RAB44: variants seen among roughly 807,000 people sequenced by gnomAD.
The protein encoded by RAB44 is ras-related protein Rab-44.
Under a neutral mutation model 93.3 loss-of-function variants are expected in RAB44, and 67 were observed. That is an observed-to-expected ratio of 0.72 (90% confidence interval 0.59 to 0.88). The LOEUF (loss-of-function observed/expected upper bound fraction) is 0.88, where lower values mean the gene tolerates loss of function less well. Ranked by LOEUF, RAB44 falls within the 40% of genes least tolerant of loss-of-function variation. The pLI is 0.00. For missense variants in RAB44, 1,064 were observed against 1,261.7 expected (o/e 0.84, Z 2.37); for synonymous variants, 427 against 520.3 (o/e 0.82, Z 2.44).
At position 36,722,718 on chromosome 6, in the gene RAB44, T is replaced by C; in HGVS notation, c.2584T>C (p.Leu862=). ...GCACCAGAATTCTTTCGCCACCGGA[T>C]TGACAGCTACCGTGGGTAAGGGCAT... ...LLHQNSFATG[L]TATVGVDFRV... Residue 862 remains leucine, a synonymous_variant, in exon 9 of 14, where the codon TTG becomes CTG. Transcript: ENST00000612677. The C allele has an allele frequency of 6.4e-7, 1 of 1,550,596 alleles. No homozygotes were observed. The highest frequency in any genetic ancestry group is 8.7e-7 in the Non-Finnish European group (1 of 1,146,986).
In RAB44 at chr6:36,720,513, AG is replaced by A; in HGVS notation, c.983del (p.Gly328AlafsTer11). 8.1e-7 allele frequency: 1 copy of A among 1,233,702 alleles called. No individual in the cohort carries two copies. The highest frequency in any genetic ancestry group is 1.0e-6 in the Non-Finnish European group (1 of 988,248). The allele number at this position is 1,233,702 out of a possible 1,614,324, so 76.4% of individuals were successfully genotyped here. On this transcript the variant is annotated frameshift_variant, in exon 8 of 14. Coordinates refer to ENST00000612677, the MANE Select transcript of RAB44 (RefSeq NM_001257357.2). LOFTEE classifies it high-confidence loss of function. ...GACCAGGGGGCGCCTGGACGCCGCC[AG>A]GGGCCGGGTGTCCTGGCAGGTGGAG... ...QVTRGRLDAA[R>X]GRVSWQVEEK...
intron 2 of RAB44, among the ~76,000 whole-genome samples, chr6:36,713,572 T>C (rs1762838609): frequency 6.6e-6 from 1 of 152,112 alleles, no homozygotes; most frequent in African/African-American, 2.4e-5. Context: ...CCTAAAGACA[T>C]GGGACTTAGG....
intron 2 of RAB44, among the ~76,000 whole-genome samples, chr6:36,705,136 A>T (rs1030168057): frequency 6.6e-5 from 10 of 150,694 alleles, no homozygotes; most frequent in Middle Eastern, 7.0e-3. Flanking sequence ...AAGAAGAATG[A>T]GGGAACCAGT....
intron 1 of RAB44, among the ~76,000 whole-genome samples, chr6:36,702,323 AGAGAGAGAGAGAGAG>A (rs766470427): frequency 0.04 from 4,580 of 115,436 alleles, 135 homozygotes; most frequent in Non-Finnish European, 0.058. Context: ...AGAGAGAGAG[AGAGAGAGAGAGAGAG>A]AATGTACTTC....
intron 10 of RAB44, 136 bp from the exon 11 acceptor site, chr6:36,727,441 A>G (rs1763263446): frequency 1.6e-6 from 1 of 628,144 alleles, no homozygotes; most frequent in South Asian, 1.8e-5. Flanking sequence ...CAATAACTAC[A>G]CTGTACGAAG....
chr6:36,721,771 G>A lies in RAB44; in HGVS notation c.1637G>A (p.Gly546Glu), dbSNP rs1763090247. ...APPSGAQPGA[G>E]AGPQEPTQTP... The stretch of plus-strand genomic sequence containing the variant: ...CCCAGCGGGGCTCAGCCTGGGGCTG[G>A]AGCAGGACCCCAGGAACCCACACAA... The change falls in exon 9 of 14, where the codon GGA becomes GAA. Residue 546 changes from glycine to glutamate, a missense_variant. By Grantham distance (98) the Gly-to-Glu change is moderately conservative (BLOSUM62 -2). Coordinates refer to ENST00000612677, the MANE Select transcript of RAB44 (RefSeq NM_001257357.2). 2 of 1,234,444 alleles carry A rather than the reference G, an allele frequency of 1.6e-6. No individual in the cohort carries two copies. Among genetic ancestry groups the A allele is most frequent in the African/African-American group, 1.6e-5 (1 of 64,476 alleles). The allele number at this position is 1,234,444 out of a possible 1,614,324, so 76.5% of individuals were successfully genotyped here.
intron 4 of RAB44, among the ~76,000 whole-genome samples, chr6:36,715,886 G>A (rs191844022): frequency 7.7e-4 from 117 of 152,298 alleles, no homozygotes; most frequent in Admixed American, 6.4e-3. Context: ...CACGTGCAGA[G>A]GATGCCTGCT....
chr6:36,712,728 G>A (rs1400824176), intron 2 of RAB44, among the ~76,000 whole-genome samples: 1 of 152,112 alleles, frequency 6.6e-6, no homozygotes, highest in African/African-American at 2.4e-5. Context: ...ACAACAAAAC[G>A]ATTAGCAAAC....
At chr6:36,721,090 G>C in intron 8 of RAB44, 61 bp from the exon 9 acceptor site, 1 of 1,230,080 alleles carries the variant, frequency 8.1e-7, no homozygotes, top group Non-Finnish European at 1.0e-6. Flanking sequence ...CTGCAGGTGG[G>C]ATGGGTGTGA....
At chr6:36,713,171 A>T (rs961221799) in intron 2 of RAB44, among the ~76,000 whole-genome samples, 8 of 152,200 alleles carry the variant, frequency 5.3e-5, no homozygotes, top group Admixed American at 3.3e-4. Context: ...ATGAACTCTT[A>T]TAGGAGATTT....
chr6:36,725,046 G>C (rs1763201127), intron 9 of RAB44, among the ~76,000 whole-genome samples: 1 of 152,192 alleles, frequency 6.6e-6, no homozygotes, highest in Non-Finnish European at 1.5e-5. Context: ...TTGAAGACCT[G>C]GTTCAGTTTC....
At chr6:36,711,512 C>T (rs1762786233) in intron 2 of RAB44, among the ~76,000 whole-genome samples, 1 of 152,114 alleles carries the variant, frequency 6.6e-6, no homozygotes, top group Non-Finnish European at 1.5e-5. Context: ...TTATATGGAC[C>T]TGGCTCCTGA....
chr6:36,704,395 G>A lies in RAB44; in HGVS notation c.160G>A (p.Asp54Asn), dbSNP rs1342732602. The A allele has an allele frequency of 6.5e-7, 1 of 1,535,944 alleles. No individual in the cohort carries two copies. Among genetic ancestry groups the A allele is most frequent in the Non-Finnish European group, 8.7e-7 (1 of 1,146,912 alleles). Residue 54 changes from aspartate (D) to asparagine (N), a missense_variant, in exon 2 of 14, where the codon GAC (aspartate) becomes AAC (asparagine). By Grantham distance (23) the Asp-to-Asn change is conservative. Transcript: ENST00000612677. ...AAAELQAFFQ[D>N]CGAKERGFVT... ...GGCAGAACTGCAGGCCTTCTTCCAG[G>A]ACTGTGGTGCCAAGGAGAGGGGCTT...
chr6:36,706,448 C>G (rs1762652301), intron 2 of RAB44, among the ~76,000 whole-genome samples: 1 of 152,128 alleles, frequency 6.6e-6, no homozygotes, highest in Admixed American at 6.5e-5. Context: ...TCTTGAGGTC[C>G]CTGATTTTTC....
Position 36,721,665 on chromosome 6 carries a change from C to T in RAB44, c.1531C>T (p.Pro511Ser). Residue 511 changes from proline to serine, a missense_variant, in exon 9 of 14, where the codon CCT (proline) becomes TCT (serine). Physicochemically the swap from Pro to Ser is moderately conservative, Grantham distance 74. Coordinates refer to ENST00000612677, the MANE Select transcript of RAB44 (RefSeq NM_001257357.2). Reference sequence around the variant, plus strand: ...GCCCCCTCCCCCTGCGAACTCTCCCCCTCCCCAGGCCCCAGCTGGGTCCAG... The same window carrying T: ...GCCCCCTCCCCCTGCGAACTCTCCCTCTCCCCAGGCCCCAGCTGGGTCCAG... Reference protein sequence around the residue: ...DGPPPPANSPPPQAPAGSSKQ... With the variant: ...DGPPPPANSPSPQAPAGSSKQ... 2.4e-6 allele frequency: 3 copies of T among 1,234,500 alleles called. No individual in the cohort carries two copies. The highest frequency in any genetic ancestry group is 3.0e-6 in the Non-Finnish European group (3 of 988,330). 76.5% of individuals were successfully genotyped at this position (1,234,500 alleles called of 1,614,324 possible). A position where few individuals can be genotyped will look rare whatever the true frequency, so the allele number is the denominator to read the frequency against.
intron 2 of RAB44, among the ~76,000 whole-genome samples, chr6:36,709,830 T>G (rs927328752): frequency 1.4e-4 from 21 of 152,216 alleles, no homozygotes; most frequent in African/African-American, 5.1e-4. Context: ...GTGCTGGGAT[T>G]ACAGGTGTGA....
intron 2 of RAB44, among the ~76,000 whole-genome samples, chr6:36,713,447 C>T (rs745947326): frequency 7.2e-5 from 11 of 152,138 alleles, no homozygotes; most frequent in Admixed American, 3.3e-4. Flanking sequence ...CCACCCACCT[C>T]GACCTCCCAA....
At chr6:36,716,803 C>T (rs1453965857) in intron 4 of RAB44, among the ~76,000 whole-genome samples, 1 of 152,214 alleles carries the variant, frequency 6.6e-6, no homozygotes, top group African/African-American at 2.4e-5. Context: ...CATGTGAAAG[C>T]AGCCTTTATT....
At chr6:36,707,868 G>C (rs1762687199) in intron 2 of RAB44, among the ~76,000 whole-genome samples, 1 of 152,246 alleles carries the variant, frequency 6.6e-6, no homozygotes, top group Non-Finnish European at 1.5e-5. Flanking sequence ...ACGGAGGACA[G>C]TGGAATTCTC....
Sources: allele counts gnomAD v4.1 joint callset (sites outside exome capture counted in the v4.1 genomes callset), GRCh38; gene constraint gnomAD v4.1.1; transcripts MANE v1.5; gene names NCBI Gene and HGNC (gene_info 2026-07-23, HGNC 2026-07-21).